FNDC3A: variants seen among roughly 807,000 people sequenced by gnomAD.
FNDC3A encodes the protein fibronectin type III domain containing 3A.
Under a neutral mutation model 148.9 loss-of-function variants are expected in FNDC3A, and 32 were observed. The ratio of observed to expected loss-of-function variants is 0.21; its 90% CI spans 0.16 to 0.29. The LOEUF is 0.29. Among genes scored for constraint, FNDC3A ranks in the 10% least tolerant of loss-of-function variants. The pLI is 1.00. For missense variants in FNDC3A, 1,191 were observed against 1,452.8 expected (o/e 0.82, Z 2.93); for synonymous variants, 472 against 473.6 (o/e 1.00, Z 0.04).
intron 3 of FNDC3A, among the ~76,000 whole-genome samples, chr13:49,093,945 G>C (rs1236451643): frequency 6.6e-6 from 1 of 152,146 alleles, no homozygotes; most frequent in African/African-American, 2.4e-5. Context: ...AGCATTGAGA[G>C]AACATGTTTT....
At chr13:48,997,132 A>C (rs1952038981) in intron 1 of FNDC3A, among the ~76,000 whole-genome samples, 2 of 151,848 alleles carry the variant, frequency 1.3e-5, no homozygotes, top group Non-Finnish European at 2.9e-5. Flanking sequence ...TCAGTACTTC[A>C]GTTATAGTAT....
intron 2 of FNDC3A, among the ~76,000 whole-genome samples, chr13:49,061,171 G>A (rs532343858): frequency 1.3e-4 from 19 of 151,762 alleles, no homozygotes; most frequent in African/African-American, 4.4e-4. Context: ...GTGCAGTGGC[G>A]TGATCATAAC....
chr13:49,056,991 C>T (rs1358178585), intron 2 of FNDC3A, among the ~76,000 whole-genome samples: 6 of 152,092 alleles, frequency 3.9e-5, no homozygotes, highest in South Asian at 4.1e-4. Flanking sequence ...ATTGTGTATT[C>T]ATTTCATGTG....
chr13:49,062,302 T>A (rs1876953698), intron 2 of FNDC3A, among the ~76,000 whole-genome samples: 1 of 152,210 alleles, frequency 6.6e-6, no homozygotes. Context: ...CATTTTTTTC[T>A]ATAGGTTTAA....
chr13:49,062,829 C>T (rs1876991466), intron 2 of FNDC3A, among the ~76,000 whole-genome samples: 1 of 152,098 alleles, frequency 6.6e-6, no homozygotes. Flanking sequence ...TATTTTTCTT[C>T]TTTTGGTGTC....
chr13:49,010,235 G>A (rs1365806089), intron 2 of FNDC3A, among the ~76,000 whole-genome samples: 1 of 152,190 alleles, frequency 6.6e-6, no homozygotes, highest in African/African-American at 2.4e-5. Flanking sequence ...TCTTTGGGCT[G>A]TAAGGGTGAT....
chr13:49,032,659 C>T (rs976629584), intron 2 of FNDC3A, among the ~76,000 whole-genome samples: 233 of 152,174 alleles, frequency 1.5e-3, no homozygotes, highest in Admixed American at 4.5e-3. Flanking sequence ...TGGCGTGAAC[C>T]CGGGAGGCGG....
At chr13:49,191,491 T>G (rs1885885941) in intron 19 of FNDC3A, 107 bp downstream of exon 19, 1 of 851,686 alleles carries the variant, frequency 1.2e-6, no homozygotes, top group South Asian at 2.3e-5. Context: ...AACATATGAC[T>G]CCAAATTTTA....
rs754947964 is a variant in FNDC3A at position 49,075,325 on chromosome 13, A to G, written c.136A>G (p.Thr46Ala). ...LVQVNPGEAF[T>A]IRREDGQFQC... ...ACAAGTTAACCCAGGAGAAGCATTT[A>G]CAATAAGAAGAGAAGATGGACAGTT... Residue 46 changes from threonine (T) to alanine (A), a missense_variant, in exon 3 of 26, where the codon ACA becomes GCA. Coordinates refer to ENST00000492622, the MANE Select transcript of FNDC3A (RefSeq NM_001079673.2). 4 of 1,604,146 alleles carry G rather than the reference A, an allele frequency of 2.5e-6. No homozygotes were observed. The highest frequency in any genetic ancestry group is 2.6e-6 in the Non-Finnish European group (3 of 1,171,432).
intron 2 of FNDC3A, among the ~76,000 whole-genome samples, chr13:49,031,489 T>C (rs1207285270): frequency 6.6e-6 from 1 of 152,200 alleles, no homozygotes; most frequent in South Asian, 2.1e-4. Flanking sequence ...TTTACATTTA[T>C]GGTCATTTGG....
chr13:49,147,633 T>C (rs933590512), intron 8 of FNDC3A, among the ~76,000 whole-genome samples: 7 of 152,192 alleles, frequency 4.6e-5, no homozygotes, highest in African/African-American at 9.7e-5. Context: ...CATTCATCCA[T>C]TGATGGACAC....
chr13:49,151,424 G>A (rs1742886272), intron 8 of FNDC3A, among the ~76,000 whole-genome samples: 1 of 152,092 alleles, frequency 6.6e-6, no homozygotes, highest in African/African-American at 2.4e-5. Context: ...CTGTTTGCAT[G>A]GATTATCGTT....
intron 14 of FNDC3A, among the ~76,000 whole-genome samples, chr13:49,182,126 G>T (rs1361377883): frequency 6.6e-6 from 1 of 151,892 alleles, no homozygotes; most frequent in East Asian, 1.9e-4. Flanking sequence ...GGGACTACAG[G>T]CATGAGCCAC....
intron 4 of FNDC3A, among the ~76,000 whole-genome samples, chr13:49,115,198 TAA>T (rs11450075): frequency 1.4e-5 from 2 of 140,344 alleles, no homozygotes; most frequent in African/African-American, 2.6e-5. Context: ...GGGGGGGAAA[TAA>T]AAAAAAAAAA....
intron 8 of FNDC3A, among the ~76,000 whole-genome samples, chr13:49,159,625 G>A (rs962294342): frequency 2.6e-5 from 4 of 152,144 alleles, no homozygotes; most frequent in South Asian, 2.1e-4. Context: ...TCTCCTGCCT[G>A]ATTGCCCTGG....
intron 10 of FNDC3A, among the ~76,000 whole-genome samples, chr13:49,171,342 G>A (rs1343039785): frequency 1.3e-5 from 2 of 151,996 alleles, no homozygotes; most frequent in Non-Finnish European, 2.9e-5. Flanking sequence ...TTTGACCAGG[G>A]GAGTCTTAAA....
intron 7 of FNDC3A, among the ~76,000 whole-genome samples, chr13:49,140,395 CA>C: frequency 6.6e-6 from 1 of 152,068 alleles, no homozygotes. Context: ...AAAGCCAATT[CA>C]AAGACTTTCT....
intron 2 of FNDC3A, among the ~76,000 whole-genome samples, chr13:49,059,573 A>G (rs199854056): frequency 6.6e-6 from 1 of 152,292 alleles, no homozygotes; most frequent in Admixed American, 6.5e-5. Flanking sequence ...CTTCTGCCTC[A>G]GCCTCCCAAG....
At chr13:49,193,669 C>T (rs1886005333) in intron 19 of FNDC3A, among the ~76,000 whole-genome samples, 1 of 152,126 alleles carries the variant, frequency 6.6e-6, no homozygotes, top group African/African-American at 2.4e-5. Flanking sequence ...CATGTAATCC[C>T]AGCACTTTGG....
Sources: allele counts gnomAD v4.1 joint callset (sites outside exome capture counted in the v4.1 genomes callset), GRCh38; gene constraint gnomAD v4.1.1; transcripts MANE v1.5; gene names NCBI Gene and HGNC (gene_info 2026-07-23, HGNC 2026-07-21).